RTN4IP1: variants seen among roughly 807,000 people sequenced by gnomAD.
RTN4IP1 encodes reticulon 4 interacting protein 1.
In RTN4IP1, 32 loss-of-function variants were observed where a neutral mutation model predicts 46.6. The ratio of observed to expected loss-of-function variants is 0.69; its 90% CI spans 0.52 to 0.92. The LOEUF (loss-of-function observed/expected upper bound fraction) is 0.92, where lower values mean the gene tolerates loss of function less well. RTN4IP1 is among the 40% of genes least tolerant of loss of function. RTN4IP1 has a pLI of 0.00. For synonymous variants in RTN4IP1, 167 were observed against 161.8 expected (o/e 1.03, Z -0.24); for missense variants, 424 against 485.8 (o/e 0.87, Z 1.20).
intron 8 of RTN4IP1, among the ~76,000 whole-genome samples, chr6:106,577,010 T>A (rs1270619611): frequency 2.6e-5 from 4 of 152,192 alleles, no homozygotes; most frequent in African/African-American, 7.2e-5. Context: ...AACTGAGAAA[T>A]CTATATCACT....
rs376757335 is a variant in RTN4IP1 at position 106,573,356 on chromosome 6, AGT to A, written c.1084-1255_1084-1254del. ...ACGCTTTCCTTTTACAAGAGGAAGA[AGT>A]GTTTTCGTGACATTCAGATGCATCT... On this transcript the variant is annotated intron_variant, in intron 8 of 8. Coordinates refer to ENST00000369063, the MANE Select transcript of RTN4IP1 (RefSeq NM_032730.5). Among the ~76,000 whole-genome samples the A allele has an allele frequency of 1.6e-4, 24 of 152,362 alleles. No homozygotes were observed. The East Asian group carries it at 4.6e-3, about 29-fold the overall frequency.
Position 106,595,055 on chromosome 6 carries a change from G to A in RTN4IP1, c.670-2755C>T, listed in dbSNP as rs112316637. On this transcript the variant is annotated intron_variant, in intron 5 of 8. Transcript: ENST00000369063. The stretch of plus-strand genomic sequence containing the variant: ...GAGCTCACGTGATCCACCCGCCTTG[G>A]CCTCCCAAAATGCTGGGATTACAGG... Among the ~76,000 whole-genome samples the A allele has an allele frequency of 2.9e-3, 442 of 152,230 alleles. 3 individuals are homozygous for A. Among genetic ancestry groups the A allele is most frequent in the African/African-American group, 0.01 (430 of 41,532 alleles).
intron 8 of RTN4IP1, among the ~76,000 whole-genome samples, chr6:106,582,999 C>T (rs750395430): frequency 1.2e-4 from 18 of 152,136 alleles, no homozygotes; most frequent in Non-Finnish European, 2.5e-4. Flanking sequence ...ATATTAGCAG[C>T]CCAATGTAGA....
At chr6:106,619,843 C>A (rs1368330282) in intron 3 of RTN4IP1, among the ~76,000 whole-genome samples, 2 of 151,886 alleles carry the variant, frequency 1.3e-5, no homozygotes, top group African/African-American at 4.8e-5. Context: ...GATCTCCTGA[C>A]CTCGTGATCC....
chr6:106,596,295 T>C lies in RTN4IP1; in HGVS notation c.670-3995A>G, dbSNP rs979217881. On this transcript the variant is annotated intron_variant, in intron 5 of 8. Coordinates refer to ENST00000369063, the MANE Select transcript of RTN4IP1 (RefSeq NM_032730.5). ...ACACAAAATATCTCTTGAGTTCATA[T>C]TGATACTTCCAATTCTAATTTGAGA... Among the ~76,000 whole-genome samples, 10 of 152,330 alleles carry C rather than the reference T, an allele frequency of 6.6e-5. No homozygotes were observed. The East Asian group carries it at 1.2e-3, about 18-fold the overall frequency.
At chr6:106,576,025 G>A (rs549787146) in intron 8 of RTN4IP1, among the ~76,000 whole-genome samples, 10 of 152,294 alleles carry the variant, frequency 6.6e-5, no homozygotes, top group African/African-American at 2.2e-4. Flanking sequence ...CAGGCACCAG[G>A]ACCGCAGTTC....
chr6:106,571,951 A>G lies in RTN4IP1; in HGVS notation c.*45T>C, dbSNP rs200786177. 6 of 1,455,342 alleles carry G rather than the reference A, an allele frequency of 4.1e-6. No homozygotes were observed. In the African/African-American group the frequency reaches 7.0e-5, roughly 17 times the overall value. The allele number at this position is 1,455,342 out of a possible 1,614,324, so 90.2% of individuals were successfully genotyped here. A position where few individuals can be genotyped will look rare whatever the true frequency, so the allele number is the denominator to read the frequency against. ...TAGAAAAAAATTTGGGCTCACAGGC[A>G]CTCACCAAATAAGAACGTCAACAAT... is the stretch of plus-strand genomic sequence containing the variant. On this transcript the variant is annotated 3_prime_UTR_variant, in exon 9 of 9. Coordinates refer to ENST00000369063, the MANE Select transcript of RTN4IP1 (RefSeq NM_032730.5).
At chr6:106,621,800 A>C (rs1014374634) in intron 2 of RTN4IP1, among the ~76,000 whole-genome samples, 1 of 152,098 alleles carries the variant, frequency 6.6e-6, no homozygotes, top group Non-Finnish European at 1.5e-5. Flanking sequence ...TAGCTATGAG[A>C]CCTCTTTATA....
rs774705692 is a variant in RTN4IP1 at position 106,583,378 on chromosome 6, C to G, written c.1033G>C (p.Ala345Pro). 2.7e-5 allele frequency: 44 copies of G among 1,613,706 alleles called. No homozygotes were observed. The highest frequency in any genetic ancestry group is 3.6e-5 in the Non-Finnish European group (42 of 1,179,752). ...GVHYRWAFFMASGPCLDDIAE... is the reference protein window; with the variant it reads ...GVHYRWAFFMPSGPCLDDIAE... ...ATGTCATCTAAACATGGGCCACTGG[C>G]CATGAAAAATGCCCAGCGATAATGG... The change falls in exon 8 of 9, where the codon GCC becomes CCC. Residue 345 changes from alanine to proline, a missense_variant. Ala to Pro is a conservative substitution (Grantham distance 27). Transcript: ENST00000369063.
At chr6:106,586,115 T>C (rs1004167669) in intron 7 of RTN4IP1, among the ~76,000 whole-genome samples, 2 of 152,220 alleles carry the variant, frequency 1.3e-5, no homozygotes, top group African/African-American at 4.8e-5. Flanking sequence ...GTCTCCTCCA[T>C]CATAGCTCTT....
intron 3 of RTN4IP1, among the ~76,000 whole-genome samples, chr6:106,620,866 G>A (rs949235650): frequency 9.2e-5 from 14 of 152,004 alleles, no homozygotes; most frequent in Non-Finnish European, 1.3e-4. Flanking sequence ...TCAAAAACAC[G>A]TCCTAATTAG....
At chr6:106,606,043 T>C (rs1009583173) in intron 4 of RTN4IP1, among the ~76,000 whole-genome samples, 1 of 152,054 alleles carries the variant, frequency 6.6e-6, no homozygotes, top group African/African-American at 2.4e-5. Context: ...TGACATGATC[T>C]TACATATAGA....
At chr6:106,611,794 T>C (rs574702082) in intron 4 of RTN4IP1, among the ~76,000 whole-genome samples, 58 of 152,276 alleles carry the variant, frequency 3.8e-4, no homozygotes, top group African/African-American at 1.4e-3. Flanking sequence ...ATCCCCCAAT[T>C]TACAGAAGAG....
chr6:106,628,730 T>C lies in RTN4IP1; in HGVS notation c.274+18A>G. 1.3e-6 allele frequency: 2 copies of C among 1,588,228 alleles called. No homozygotes were observed. The highest frequency in any genetic ancestry group is 1.7e-6 in the Non-Finnish European group (2 of 1,162,678). ...GTGATTTTTTTAAAAAAGGTAACAA[T>C]GTCTTTTGAAAACTTACTTCTCATA... On this transcript the variant is annotated intron_variant, in intron 1 of 8. Transcript: ENST00000369063.
intron 7 of RTN4IP1, among the ~76,000 whole-genome samples, chr6:106,586,484 G>A (rs188960444): frequency 1.3e-5 from 2 of 151,862 alleles, no homozygotes; most frequent in Non-Finnish European, 2.9e-5. Flanking sequence ...CCATCCTCTG[G>A]CCTCAGCCTC....
chr6:106,627,152 AG>A (rs1268395183), intron 1 of RTN4IP1, among the ~76,000 whole-genome samples: 1 of 151,608 alleles, frequency 6.6e-6, no homozygotes, highest in Non-Finnish European at 1.5e-5. Flanking sequence ...AAAAAAAAAA[AG>A]AGGATAACTT....
chr6:106,617,499 C>T (rs905709154), intron 4 of RTN4IP1, among the ~76,000 whole-genome samples: 10 of 152,114 alleles, frequency 6.6e-5, no homozygotes, highest in African/African-American at 2.4e-4. Context: ...CAGAGGAAAC[C>T]ACAAAGAGAC....
chr6:106,611,674 T>C (rs1776228816), intron 4 of RTN4IP1, among the ~76,000 whole-genome samples: 2 of 152,138 alleles, frequency 1.3e-5, no homozygotes, highest in Non-Finnish European at 2.9e-5. Context: ...GTGAGAAACT[T>C]AATCTGAATA....
At chr6:106,584,383 T>A (rs1775438007) in intron 7 of RTN4IP1, among the ~76,000 whole-genome samples, 1 of 152,230 alleles carries the variant, frequency 6.6e-6, no homozygotes, top group Non-Finnish European at 1.5e-5. Context: ...GGTCAGCCAG[T>A]ACCACAGTGC....
Sources: allele counts gnomAD v4.1 joint callset (sites outside exome capture counted in the v4.1 genomes callset), GRCh38; gene constraint gnomAD v4.1.1; transcripts MANE v1.5; gene names NCBI Gene and HGNC (gene_info 2026-07-23, HGNC 2026-07-21).